COL11A1: variants seen among roughly 807,000 people sequenced by gnomAD.
The protein encoded by COL11A1 is collagen alpha-1(XI) chain.
In COL11A1, 74 loss-of-function variants were observed where a neutral mutation model predicts 265.2. That is an observed-to-expected ratio of 0.28 (90% CI 0.23 to 0.34). The LOEUF is 0.34. Ranked by LOEUF, COL11A1 falls within the 10% of genes least tolerant of loss-of-function variation. The pLI is 1.00. For synonymous variants in COL11A1, 816 were observed against 727.6 expected (o/e 1.12, Z -1.96); for missense variants, 2,165 against 2,263.6 (o/e 0.96, Z 0.88).
chr1:102,896,555 A>G (rs1400526050), intron 57 of COL11A1, among the ~76,000 whole-genome samples: 1 of 152,192 alleles, frequency 6.6e-6, no homozygotes, highest in African/African-American at 2.4e-5. Flanking sequence ...AGTACTCGCC[A>G]TAAAACAAGC....
chr1:102,959,369 C>T (rs1660668456), intron 41 of COL11A1, among the ~76,000 whole-genome samples: 1 of 151,892 alleles, frequency 6.6e-6, no homozygotes, highest in South Asian at 2.1e-4. Flanking sequence ...AAAACAGATA[C>T]TAATTAAACA....
chr1:102,965,734 C>T (rs1401540156), intron 37 of COL11A1, among the ~76,000 whole-genome samples, 194 bp from the exon 38 acceptor site: 2 of 152,142 alleles, frequency 1.3e-5, no homozygotes, highest in East Asian at 1.9e-4. Context: ...CTTGCCATTT[C>T]AATATTTCAC....
At chr1:103,071,456 T>C (rs1472688950) in intron 4 of COL11A1, among the ~76,000 whole-genome samples, 1 of 149,626 alleles carries the variant, frequency 6.7e-6, no homozygotes, top group African/African-American at 2.4e-5. Flanking sequence ...TGTTGATTTG[T>C]GTTGGTAGGA....
At chr1:102,880,981 G>A (rs1570611639) in intron 65 of COL11A1, among the ~76,000 whole-genome samples, 1 of 151,904 alleles carries the variant, frequency 6.6e-6, no homozygotes, top group Non-Finnish European at 1.5e-5. Context: ...AGTGGAGAGT[G>A]TCAATAAAAG....
At chr1:102,891,546 T>C (rs1570644217) in intron 57 of COL11A1, among the ~76,000 whole-genome samples, 1 of 151,986 alleles carries the variant, frequency 6.6e-6, no homozygotes, top group African/African-American at 2.4e-5. Context: ...ATTTTCATAC[T>C]GATGACTTTC....
At chr1:103,095,204 G>T (rs550865723) in intron 1 of COL11A1, among the ~76,000 whole-genome samples, 30 of 152,082 alleles carry the variant, frequency 2.0e-4, no homozygotes, top group Middle Eastern at 3.4e-3. Context: ...GGATATAGAT[G>T]ACCTAGATGC....
intron 14 of COL11A1, among the ~76,000 whole-genome samples, chr1:103,010,212 T>C (rs1394863264): frequency 2.6e-5 from 4 of 152,186 alleles, no homozygotes; most frequent in Non-Finnish European, 4.4e-5. Context: ...AATGTACAGA[T>C]GTCAAAATAT....
intron 8 of COL11A1, 70 bp from the exon 9 acceptor site, chr1:103,021,839 T>A (rs914957755): frequency 1.4e-3 from 3 of 2,142 alleles, no homozygotes; most frequent in East Asian, 0.5. Context: ...TCTTTTCTTC[T>A]TTTTTTTTTT....
At chr1:103,091,761 A>T (rs984718168) in intron 1 of COL11A1, among the ~76,000 whole-genome samples, 16 of 152,216 alleles carry the variant, frequency 1.1e-4, no homozygotes, top group African/African-American at 3.8e-4. Flanking sequence ...ATGTTGGCAT[A>T]AAATGGCTTA....
At chr1:103,096,977 T>C (rs568997294) in intron 1 of COL11A1, among the ~76,000 whole-genome samples, 5 of 152,166 alleles carry the variant, frequency 3.3e-5, no homozygotes, top group African/African-American at 1.2e-4. Context: ...TTTGCAAGAC[T>C]ACATGACCAT....
At chr1:103,063,160 A>T (rs774220245) in intron 4 of COL11A1, among the ~76,000 whole-genome samples, 2 of 152,048 alleles carry the variant, frequency 1.3e-5, no homozygotes, top group Non-Finnish European at 2.9e-5. Context: ...CTATAGATTC[A>T]ATACACTCAC....
At chr1:103,009,391 G>A (rs1012356330) in intron 14 of COL11A1, among the ~76,000 whole-genome samples, 1 of 152,114 alleles carries the variant, frequency 6.6e-6, no homozygotes, top group African/African-American at 2.4e-5. Flanking sequence ...TCCAGCCTAG[G>A]TGCCAAGAGC....
At chr1:103,059,336 C>G (rs1670481440) in intron 4 of COL11A1, among the ~76,000 whole-genome samples, 1 of 152,056 alleles carries the variant, frequency 6.6e-6, no homozygotes, top group Non-Finnish European at 1.5e-5. Context: ...AGGGCTCAGG[C>G]TCACCAAAAT....
chr1:102,889,066 T>C (rs1651395857), intron 59 of COL11A1, 147 bp from the exon 60 acceptor site: 2 of 769,082 alleles, frequency 2.6e-6, no homozygotes, highest in African/African-American at 1.7e-5. Flanking sequence ...CATTTTTCCA[T>C]GGTGAATCTA....
chr1:103,009,044 C>T (rs2101872843), intron 14 of COL11A1, among the ~76,000 whole-genome samples: 1 of 152,268 alleles, frequency 6.6e-6, no homozygotes, highest in Middle Eastern at 3.4e-3. Context: ...AGTGTTAACA[C>T]ATTTTTCCCA....
At chr1:103,021,422 A>C (rs1571062666) in intron 9 of COL11A1, among the ~76,000 whole-genome samples, 1 of 152,300 alleles carries the variant, frequency 6.6e-6, no homozygotes, top group East Asian at 1.9e-4. Context: ...AAAATTACTT[A>C]AGTCCTTTAG....
At position 102,923,325 on chromosome 1, in the gene COL11A1, T is replaced by A. The variant is rs755939526; in HGVS notation, c.3654+11A>T. 2 of 1,604,194 alleles carry A rather than the reference T, an allele frequency of 1.2e-6. No homozygotes were observed. Among genetic ancestry groups the A allele is most frequent in the East Asian group, 4.5e-5 (2 of 44,414 alleles). On this transcript the variant is annotated intron_variant, in intron 47 of 66. Transcript: ENST00000370096. ...ACACATACCCATCAAACACCAAAAA[T>A]AAAAACTTACCATGGGACCAACATC... is the stretch of plus-strand genomic sequence containing the variant.
chr1:102,924,025 C>G (rs1333575664), intron 46 of COL11A1, among the ~76,000 whole-genome samples: 1 of 145,486 alleles, frequency 6.9e-6, no homozygotes, highest in Non-Finnish European at 1.5e-5. Flanking sequence ...TGGCTAACAC[C>G]GGTGAAACCC....
chr1:103,083,144 A>G (rs928743367), intron 1 of COL11A1, among the ~76,000 whole-genome samples, 172 bp from the exon 2 acceptor site: 1 of 152,118 alleles, frequency 6.6e-6, no homozygotes, highest in African/African-American at 2.4e-5. Context: ...AGGTAGTAAT[A>G]TAAACCATAA....
Sources: allele counts gnomAD v4.1 joint callset (sites outside exome capture counted in the v4.1 genomes callset), GRCh38; gene constraint gnomAD v4.1.1; transcripts MANE v1.5; gene names NCBI Gene and HGNC (gene_info 2026-07-23, HGNC 2026-07-21).